The following TAPT1 variants were observed in gnomAD, a reference collection of about 807,000 sequenced individuals.
The protein encoded by TAPT1 is transmembrane anterior posterior transformation 1.
TAPT1 carries 28 observed loss-of-function variants against 65.6 expected under a neutral mutation model. The ratio of observed to expected loss-of-function variants is 0.43; its 90% CI spans 0.32 to 0.59. The LOEUF (loss-of-function observed/expected upper bound fraction) is 0.59, where lower values mean the gene tolerates loss of function less well. TAPT1 is among the 20% of genes least tolerant of loss of function. TAPT1 has a pLI of 0.09. For synonymous variants in TAPT1, 278 were observed against 245.2 expected (o/e 1.13, Z -1.25); for missense variants, 563 against 679.9 (o/e 0.83, Z 1.91).
At chr4:16,170,979 G>T (rs568467987) in intron 11 of TAPT1, among the ~76,000 whole-genome samples, 13 of 152,302 alleles carry the variant, frequency 8.5e-5, no homozygotes, top group Middle Eastern at 6.8e-3. Context: ...TAGTGCAACA[G>T]TTTGACTCCT....
At chr4:16,207,406 C>T (rs1413340548) in intron 2 of TAPT1, among the ~76,000 whole-genome samples, 1 of 152,194 alleles carries the variant, frequency 6.6e-6, no homozygotes. Flanking sequence ...GAAGTCCGTT[C>T]GTTTGAAATG....
chr4:16,206,988 A>G (rs368494066), intron 2 of TAPT1, among the ~76,000 whole-genome samples: 6 of 152,304 alleles, frequency 3.9e-5, no homozygotes, highest in African/African-American at 1.4e-4. Flanking sequence ...TACCACCACA[A>G]GCAGGGTGTG....
intron 3 of TAPT1, chr4:16,196,513 G>A (rs1749712923): frequency 2.8e-6 from 1 of 361,080 alleles, no homozygotes; most frequent in East Asian, 7.3e-5. Context: ...AAGTAAAGAT[G>A]CTATTTTAAA....
chr4:16,216,492 A>G (rs182011862), intron 1 of TAPT1, among the ~76,000 whole-genome samples: 108 of 152,262 alleles, frequency 7.1e-4, no homozygotes, highest in African/African-American at 2.5e-3. Flanking sequence ...CTCTACCTGG[A>G]CATCCCATAG....
At chr4:16,215,204 T>C (rs925763443) in intron 1 of TAPT1, among the ~76,000 whole-genome samples, 4 of 151,764 alleles carry the variant, frequency 2.6e-5, no homozygotes, top group Non-Finnish European at 5.9e-5. Context: ...GGCAAGAGAA[T>C]CGCTTGAACC....
intron 3 of TAPT1, among the ~76,000 whole-genome samples, chr4:16,201,537 C>T (rs1264332611): frequency 1.4e-4 from 21 of 152,098 alleles, no homozygotes; most frequent in Admixed American, 1.4e-3. Context: ...AATAAAAATG[C>T]TGTGAAGAGT....
chr4:16,174,167 A>G (rs1748179024), intron 11 of TAPT1, 37 bp downstream of exon 11: 1 of 1,419,702 alleles, frequency 7.0e-7, no homozygotes, highest in Non-Finnish European at 9.7e-7. Flanking sequence ...AATGATGGCT[A>G]CTTTGTTACA....
At chr4:16,186,406 T>A in intron 7 of TAPT1, 129 bp downstream of exon 7, 1 of 598,318 alleles carries the variant, frequency 1.7e-6, no homozygotes, top group Non-Finnish European at 2.9e-6. Context: ...CTAGTAAAGA[T>A]GTTGATAGCA....
At position 16,202,771 on chromosome 4, in the gene TAPT1, G is replaced by A. The variant is rs11931356; in HGVS notation, c.331-191C>T. On this transcript the variant is annotated intron_variant, in intron 2 of 13. Transcript: ENST00000405303. Reference sequence around the variant, plus strand: ...TGCTTCCTCAGAGCCTTTGGTTTACGACTCACAAAAGAAATTACTCAAAAA... The same window carrying A: ...TGCTTCCTCAGAGCCTTTGGTTTACAACTCACAAAAGAAATTACTCAAAAA... Among the ~76,000 whole-genome samples, 1,624 of 152,122 alleles carry A rather than the reference G, an allele frequency of 0.011. 33 individuals carry two copies. Among genetic ancestry groups the A allele is most frequent in the African/African-American group, 0.037 (1,530 of 41,506 alleles).
At chr4:16,225,614 A>C (rs1751505713) in intron 1 of TAPT1, among the ~76,000 whole-genome samples, 1 of 152,268 alleles carries the variant, frequency 6.6e-6, no homozygotes, top group African/African-American at 2.4e-5. Context: ...TTGTAACAAT[A>C]CGTTTAAAAC....
At position 16,186,846 on chromosome 4, in the gene TAPT1, T is replaced by C. The variant is rs752147500; in HGVS notation, c.781A>G (p.Thr261Ala). ...GAGTTAAAAGCTACATTGAGAGTTGTTGCTTGAACCATTATAAGAATTGCA... is the reference window on the plus strand; with the variant it reads ...GAGTTAAAAGCTACATTGAGAGTTGCTGCTTGAACCATTATAAGAATTGCA... ...LHAILIMVQA[T>A]TLNVAFNSHN... The change falls in exon 6 of 14, where the codon ACA becomes GCA. Residue 261 changes from threonine to alanine, a missense_variant. Around this residue, in one of 5 missense-constraint regions of TAPT1, gnomAD observed 217 missense variants for 317.5 expected, o/e 0.68. Coordinates refer to ENST00000405303, the MANE Select transcript of TAPT1 (RefSeq NM_153365.3). 1.9e-6 allele frequency: 3 copies of C among 1,612,084 alleles called. No individual in the cohort carries two copies. Among genetic ancestry groups the C allele is most frequent in the South Asian group, 2.2e-5 (2 of 90,888 alleles).
At chr4:16,219,763 C>A (rs1357943303) in intron 1 of TAPT1, among the ~76,000 whole-genome samples, 1 of 152,146 alleles carries the variant, frequency 6.6e-6, no homozygotes, top group Non-Finnish European at 1.5e-5. Flanking sequence ...TTAATGGTGT[C>A]CATATTTTGT....
intron 13 of TAPT1, among the ~76,000 whole-genome samples, chr4:16,165,121 T>A (rs943472379): frequency 1.3e-5 from 2 of 152,126 alleles, no homozygotes; most frequent in Non-Finnish European, 2.9e-5. Context: ...CTTCAAGCTT[T>A]TAGTTTAGAA....
intron 1 of TAPT1, 128 bp downstream of exon 1, chr4:16,226,131 G>A (rs1751540996): frequency 9.8e-7 from 1 of 1,019,846 alleles, no homozygotes; most frequent in Non-Finnish European, 1.2e-6. Flanking sequence ...CGCGCCCACA[G>A]CCTGGGGAGC....
chr4:16,202,616 T>C (rs921576976), intron 2 of TAPT1, 36 bp from the exon 3 acceptor site: 4 of 1,106,250 alleles, frequency 3.6e-6, no homozygotes, highest in Non-Finnish European at 5.2e-6. Context: ...AAAAAAAAAG[T>C]ATTTTAAAAA....
chr4:16,179,039 T>C (rs1748537937), intron 8 of TAPT1: 1 of 152,486 alleles, frequency 6.6e-6, no homozygotes, highest in African/African-American at 2.4e-5. Flanking sequence ...AGCATCCCAC[T>C]ACACCACAGA....
chr4:16,191,340 C>T (rs201195655), intron 4 of TAPT1, 21 bp downstream of exon 4: 24 of 1,584,874 alleles, frequency 1.5e-5, no homozygotes, highest in Middle Eastern at 1.7e-4. Context: ...CAGGCCTGTG[C>T]GGGGTAAGCA....
intron 12 of TAPT1, among the ~76,000 whole-genome samples, chr4:16,169,934 A>G (rs1747884728): frequency 6.6e-6 from 1 of 152,054 alleles, no homozygotes; most frequent in African/African-American, 2.4e-5. Context: ...TCAAGTTCGA[A>G]CCCTCTCAGA....
intron 7 of TAPT1, chr4:16,182,740 G>C (rs901432267): frequency 5.3e-5 from 8 of 152,302 alleles, no homozygotes; most frequent in South Asian, 2.1e-4. Flanking sequence ...AACCAGAAAG[G>C]CTGGGGTTCC....
Sources: gnomAD v4.1 joint callset for allele counts (sites outside exome capture counted in the v4.1 genomes callset) on GRCh38, gnomAD v4.1.1 for gene constraint, gnomAD v4.1.1 regional missense constraint, MANE v1.5 for transcripts, NCBI Gene and HGNC (gene_info 2026-07-23, HGNC 2026-07-21) for gene names.